Variants in GATB observed in about 807,000 individuals in gnomAD.
GATB encodes the protein glutamyl-tRNA(Gln) amidotransferase subunit B, mitochondrial.
A neutral mutation model predicts 62.3 loss-of-function variants in GATB; 39 were observed. The ratio of observed to expected loss-of-function variants is 0.63; its 90% CI spans 0.48 to 0.82. The LOEUF is 0.82. Among genes scored for constraint, GATB ranks in the 40% least tolerant of loss-of-function variants. The pLI, the probability that GATB is intolerant of heterozygous loss-of-function variation, is 0.00. For missense variants in GATB, 670 were observed against 684.0 expected (o/e 0.98, Z 0.23); for synonymous variants, 276 against 258.9 (o/e 1.07, Z -0.63).
chr4:151,737,852 C>G (rs1739408698), intron 2 of GATB, among the ~76,000 whole-genome samples: 1 of 152,116 alleles, frequency 6.6e-6, no homozygotes, highest in African/African-American at 2.4e-5. Flanking sequence ...TGTGGGTGCA[C>G]AGAAGTCAAG....
At chr4:151,713,510 C>T (rs1738859652) in intron 5 of GATB, among the ~76,000 whole-genome samples, 2 of 152,376 alleles carry the variant, frequency 1.3e-5, no homozygotes, top group African/African-American at 4.8e-5. Context: ...GCTGCTGCAA[C>T]TCCATCAGCT....
At chr4:151,675,659 C>A (rs1018905556) in intron 11 of GATB, 1 of 152,398 alleles carries the variant, frequency 6.6e-6, no homozygotes, top group South Asian at 2.1e-4. Context: ...CCAAGTGCAA[C>A]TGTTTCCAGC....
chr4:151,702,851 G>A (rs896680849), intron 8 of GATB, among the ~76,000 whole-genome samples: 2 of 152,140 alleles, frequency 1.3e-5, no homozygotes, highest in African/African-American at 2.4e-5. Context: ...GAATGGATTC[G>A]AAGCACACGC....
chr4:151,713,354 C>A (rs1004695610), intron 5 of GATB, among the ~76,000 whole-genome samples: 1 of 152,234 alleles, frequency 6.6e-6, no homozygotes, highest in Non-Finnish European at 1.5e-5. Flanking sequence ...AAATTGTCTT[C>A]CACGAAACCG....
chr4:151,752,666 ATC>A (rs1373338020), intron 2 of GATB, among the ~76,000 whole-genome samples: 5 of 152,152 alleles, frequency 3.3e-5, no homozygotes, highest in African/African-American at 1.2e-4. Context: ...ACCTTCCCTT[ATC>A]TCTCTGAGGA....
At chr4:151,693,818 C>A (rs952851982) in intron 9 of GATB, among the ~76,000 whole-genome samples, 10 of 152,180 alleles carry the variant, frequency 6.6e-5, no homozygotes, top group African/African-American at 2.2e-4. Flanking sequence ...GGCACCAGTT[C>A]CATTTAGGGG....
chr4:151,688,380 C>T (rs1738294072), intron 10 of GATB, among the ~76,000 whole-genome samples: 1 of 152,214 alleles, frequency 6.6e-6, no homozygotes, highest in African/African-American at 2.4e-5. Context: ...CTGTCTCATT[C>T]ATCTTTGTGC....
In GATB at chr4:151,725,690, G is replaced by A. The variant is rs114747130; in HGVS notation, c.328-6152C>T. On this transcript the variant is annotated intron_variant, in intron 2 of 12. Coordinates refer to ENST00000263985, the MANE Select transcript of GATB (RefSeq NM_004564.3). ...AAAGAAGATTATATAACTTACTTAA[G>A]TCCATAAAATATTCTCTAGGATTTT... is the stretch of plus-strand genomic sequence containing the variant. 4.1e-3 allele frequency among the ~76,000 whole-genome samples: 624 copies of A among 152,272 alleles called. 3 individuals are homozygous for A. Among genetic ancestry groups the A allele is most frequent in the Non-Finnish European group, 6.0e-3 (405 of 68,010 alleles).
rs1038528313 is a variant in GATB, at chr4:151,730,744, G to A, written c.328-11206C>T. ...GGGAGAGAATATTATTACATCAAGG[G>A]AACACCCCATGGGACAAAAAGACCT... On this transcript the variant is annotated intron_variant, in intron 2 of 12. Coordinates refer to ENST00000263985, the MANE Select transcript of GATB (RefSeq NM_004564.3). This position sits in a 1 kb window ranked among gnomAD's most constrained non-coding sequence, Gnocchi z 4.1. Among the ~76,000 whole-genome samples, 4 of 152,172 alleles carry A rather than the reference G, an allele frequency of 2.6e-5. No individual in the cohort carries two copies. The highest frequency in any genetic ancestry group is 6.5e-5 in the Admixed American group (1 of 15,288).
intron 5 of GATB, among the ~76,000 whole-genome samples, chr4:151,710,718 G>A (rs1457428086): frequency 2.0e-5 from 3 of 152,090 alleles, no homozygotes; most frequent in Non-Finnish European, 4.4e-5. Context: ...CCCAGTTTTC[G>A]TCCTCTGGAT....
chr4:151,722,447 A>T, intron 2 of GATB: 1 of 527,756 alleles, frequency 1.9e-6, no homozygotes, highest in African/African-American at 1.9e-5. Context: ...CCCACGACAA[A>T]GGCCAAGCTC....
rs140739036 is a variant in GATB, at chr4:151,683,774, A to C, written c.1332-3883T>G. On this transcript the variant is annotated intron_variant, in intron 10 of 12. Transcript: ENST00000263985. Reference sequence around the variant, plus strand: ...AACAGGCCAGAGGCTGACATGCTATAGTTTCCCAATCCTTATCCTAAGCCA... The same window carrying C: ...AACAGGCCAGAGGCTGACATGCTATCGTTTCCCAATCCTTATCCTAAGCCA... Among the ~76,000 whole-genome samples the C allele has an allele frequency of 5.9e-5, 9 of 152,314 alleles. No homozygotes were observed. The East Asian group carries it at 1.7e-3, about 29-fold the overall frequency.
chr4:151,715,967 G>C lies in GATB; in HGVS notation c.763+42C>G, dbSNP rs770464398. The C allele has an allele frequency of 2.0e-5, 32 of 1,601,880 alleles. No homozygotes were observed. In the East Asian group the frequency reaches 7.0e-4, roughly 35 times the overall value. ...AAGTCAGAGAGGTTCTAGAAGGCAG[G>C]AAGGGAGAGGGAAAGAAGAATACTG... On this transcript the variant is annotated intron_variant, in intron 5 of 12. Transcript: ENST00000263985.
intron 10 of GATB, among the ~76,000 whole-genome samples, chr4:151,683,808 T>C (rs1211554891): frequency 6.6e-6 from 1 of 152,218 alleles, no homozygotes; most frequent in Non-Finnish European, 1.5e-5. Context: ...CAAACTTGTC[T>C]TCCTCACAGA....
At chr4:151,755,289 CTA>C (rs1293727467) in intron 2 of GATB, among the ~76,000 whole-genome samples, 2 of 152,044 alleles carry the variant, frequency 1.3e-5, no homozygotes, top group African/African-American at 2.4e-5. Flanking sequence ...TAGCATTGTC[CTA>C]TGTCACTAAA....
chr4:151,691,513 A>C (rs1164990520), intron 9 of GATB: 1 of 152,194 alleles, frequency 6.6e-6, no homozygotes, highest in Non-Finnish European at 1.5e-5. Flanking sequence ...CTTGATTACT[A>C]ATGATTTGTC....
chr4:151,737,868 A>C (rs1241623007), intron 2 of GATB, among the ~76,000 whole-genome samples: 2 of 152,334 alleles, frequency 1.3e-5, no homozygotes, highest in African/African-American at 4.8e-5. Context: ...TCAAGAACCA[A>C]GGTTTGGGAA....
chr4:151,673,065 A>C, intron 11 of GATB, 169 bp from the exon 12 acceptor site: 1 of 760,448 alleles, frequency 1.3e-6, no homozygotes, highest in Non-Finnish European at 2.1e-6. Flanking sequence ...GCCCTGCCAG[A>C]GCGTTGGCTC....
At chr4:151,706,561 A>C (rs1041014481) in intron 6 of GATB, among the ~76,000 whole-genome samples, 4 of 152,174 alleles carry the variant, frequency 2.6e-5, no homozygotes, top group Admixed American at 1.3e-4. Flanking sequence ...GATGCAGAAC[A>C]GTTCACCATC....
Sources: allele counts gnomAD v4.1 joint callset (sites outside exome capture counted in the v4.1 genomes callset), GRCh38; gene constraint gnomAD v4.1.1; non-coding constraint Gnocchi (gnomAD v3.1); transcripts MANE v1.5; gene names NCBI Gene and HGNC (gene_info 2026-07-23, HGNC 2026-07-21).